Variants in FSTL5 observed in about 807,000 individuals in gnomAD.
The protein encoded by FSTL5 is follistatin-related protein 5.
A neutral mutation model predicts 89.1 loss-of-function variants in FSTL5; 62 were observed. The ratio of observed to expected loss-of-function variants is 0.70; its 90% confidence interval spans 0.57 to 0.86. The LOEUF is 0.86. Ranked by LOEUF, FSTL5 falls within the 40% of genes least tolerant of loss-of-function variation. The pLI is 0.00. For synonymous variants in FSTL5, 383 were observed against 346.2 expected (o/e 1.11, Z -1.18); for missense variants, 1,057 against 1,001.6 (o/e 1.06, Z -0.75).
intron 1 of FSTL5, among the ~76,000 whole-genome samples, chr4:162,118,282 A>T (rs1731723848): frequency 7.0e-6 from 1 of 143,176 alleles, no homozygotes; most frequent in Non-Finnish European, 1.5e-5. Context: ...TTTTTTTTTG[A>T]CGGAATCTCG....
At chr4:162,047,053 A>T (rs1369452513) in intron 2 of FSTL5, among the ~76,000 whole-genome samples, 2 of 152,168 alleles carry the variant, frequency 1.3e-5, no homozygotes, top group Non-Finnish European at 2.9e-5. Context: ...ATACTCTATG[A>T]TATAGAAAAT....
chr4:161,537,712 C>T (rs956464767), intron 10 of FSTL5, among the ~76,000 whole-genome samples: 1 of 152,088 alleles, frequency 6.6e-6, no homozygotes, highest in Admixed American at 6.6e-5. Flanking sequence ...TGGCAGTTAC[C>T]ACTGAACCTT....
chr4:161,603,306 T>C lies in FSTL5; in HGVS notation c.895-15731A>G, dbSNP rs977717384. ...CATATAAAAAGTTACGTTTGCACTA[T>C]ATTATAGTTTAGTAAGTGTGCAATA... On this transcript the variant is annotated intron_variant, in intron 7 of 15. Coordinates refer to ENST00000306100, the MANE Select transcript of FSTL5 (RefSeq NM_020116.5). 2.6e-5 allele frequency among the ~76,000 whole-genome samples: 4 copies of C among 152,346 alleles called. No individual in the cohort carries two copies. The East Asian group carries it at 7.7e-4, about 29-fold the overall frequency.
intron 3 of FSTL5, among the ~76,000 whole-genome samples, chr4:161,993,641 T>C (rs1462334260): frequency 2.0e-5 from 3 of 152,120 alleles, no homozygotes; most frequent in African/African-American, 7.2e-5. Context: ...ACTTATCCCT[T>C]GTTACAGGCT....
intron 11 of FSTL5, among the ~76,000 whole-genome samples, chr4:161,510,134 T>A (rs1730604499): frequency 1.3e-5 from 2 of 152,148 alleles, no homozygotes; most frequent in Admixed American, 1.3e-4. Flanking sequence ...TTGCTTTTGT[T>A]TCTTTGGTGT....
At chr4:162,146,693 CCCTTCCCTT>C (rs1487435623) in intron 1 of FSTL5, among the ~76,000 whole-genome samples, 130 of 77,444 alleles carry the variant, frequency 1.7e-3, no homozygotes, top group African/African-American at 4.2e-3. Flanking sequence ...CCCTTCCCTT[CCCTTCCCTT>C]CCCTTCCCCT....
At chr4:161,811,567 A>G (rs1444061038) in intron 4 of FSTL5, among the ~76,000 whole-genome samples, 1 of 152,166 alleles carries the variant, frequency 6.6e-6, no homozygotes, top group Non-Finnish European at 1.5e-5. Flanking sequence ...CACAGCATAC[A>G]GTATGTCTGA....
At chr4:161,527,893 C>G (rs1041554710) in intron 10 of FSTL5, among the ~76,000 whole-genome samples, 3 of 150,404 alleles carry the variant, frequency 2.0e-5, no homozygotes, top group Non-Finnish European at 2.9e-5. Flanking sequence ...TTGGAACCAA[C>G]CCAAATGTCC....
intron 13 of FSTL5, among the ~76,000 whole-genome samples, chr4:161,464,786 T>C (rs1733696447): frequency 1.3e-5 from 2 of 152,150 alleles, no homozygotes; most frequent in East Asian, 1.9e-4. Context: ...TGATCATTAT[T>C]GTTATTATTT....
intron 4 of FSTL5, among the ~76,000 whole-genome samples, chr4:161,877,356 G>A (rs927081079): frequency 1.3e-5 from 2 of 150,172 alleles, no homozygotes; most frequent in Non-Finnish European, 3.0e-5. Context: ...AGAACCATAT[G>A]TAATATTGTA....
At chr4:161,646,466 G>A (rs1255281159) in intron 7 of FSTL5, among the ~76,000 whole-genome samples, 1 of 151,644 alleles carries the variant, frequency 6.6e-6, no homozygotes, top group Non-Finnish European at 1.5e-5. Flanking sequence ...TACATATTCT[G>A]AAACCTTTTT....
intron 4 of FSTL5, among the ~76,000 whole-genome samples, chr4:161,808,757 GT>G (rs1730049791): frequency 6.6e-6 from 1 of 152,116 alleles, no homozygotes; most frequent in South Asian, 2.1e-4. Context: ...CTCATGAGGG[GT>G]TAATATCCAA....
chr4:162,014,323 T>C (rs1031185708), intron 3 of FSTL5, among the ~76,000 whole-genome samples: 5 of 152,344 alleles, frequency 3.3e-5, no homozygotes, highest in Non-Finnish European at 5.9e-5. Flanking sequence ...GCAAGGCAGC[T>C]GGAGTCCAAG....
intron 4 of FSTL5, among the ~76,000 whole-genome samples, chr4:161,818,706 C>A (rs1349873363): frequency 1.3e-5 from 2 of 152,092 alleles, no homozygotes; most frequent in Admixed American, 6.6e-5. Context: ...ATTCAAGGAA[C>A]GATTCCTTTT....
chr4:161,764,383 C>A (rs946991550), intron 5 of FSTL5, among the ~76,000 whole-genome samples: 1 of 151,958 alleles, frequency 6.6e-6, no homozygotes, highest in Non-Finnish European at 1.5e-5. Flanking sequence ...CTCAGCCACC[C>A]GAGTAGCTGG....
chr4:161,490,056 T>C (rs1169274383), intron 12 of FSTL5, among the ~76,000 whole-genome samples: 4 of 152,180 alleles, frequency 2.6e-5, no homozygotes, highest in African/African-American at 9.6e-5. Flanking sequence ...TGAATTCTGT[T>C]GAAATAAAAA....
At chr4:161,574,626 TC>T (rs1197080952) in intron 8 of FSTL5, among the ~76,000 whole-genome samples, 13 of 152,166 alleles carry the variant, frequency 8.5e-5, no homozygotes, top group Admixed American at 8.5e-4. Flanking sequence ...GGTTTTCTAT[TC>T]CTGTGTTAGT....
intron 13 of FSTL5, among the ~76,000 whole-genome samples, chr4:161,468,476 G>C (rs892072021): frequency 6.6e-6 from 1 of 152,088 alleles, no homozygotes; most frequent in Admixed American, 6.6e-5. Context: ...TGGCTTTTTA[G>C]ATTGCTGCCC....
At chr4:161,716,145 A>G (rs2126745149) in intron 6 of FSTL5, among the ~76,000 whole-genome samples, 1 of 152,276 alleles carries the variant, frequency 6.6e-6, no homozygotes, top group East Asian at 1.9e-4. Context: ...GAATACAGGA[A>G]ATAGACCCTG....
Sources: allele counts gnomAD v4.1 joint callset (sites outside exome capture counted in the v4.1 genomes callset), GRCh38; gene constraint gnomAD v4.1.1; transcripts MANE v1.5; gene names NCBI Gene and HGNC (gene_info 2026-07-23, HGNC 2026-07-21).